Variants in FBXL19 observed in about 807,000 individuals in gnomAD.
The protein encoded by FBXL19 is F-box/LRR-repeat protein 19.
In FBXL19, 16 loss-of-function variants were observed where a neutral mutation model predicts 71.2. The ratio of observed to expected loss-of-function variants is 0.22; its 90% confidence interval spans 0.15 to 0.34. FBXL19 has a LOEUF of 0.34. FBXL19 is among the 10% of genes least tolerant of loss of function. The probability of loss-of-function intolerance (pLI) is 1.00; values close to 1 mark genes in which losing one functional copy is unlikely to be tolerated. For missense variants in FBXL19, 658 were observed against 968.2 expected, an observed-to-expected ratio of 0.68 and a Z score of 4.25; for synonymous variants, 447 against 409.4, an observed-to-expected ratio of 1.09 and a Z score of -1.11.
chr16:30,933,226 C>T (rs2055694858), intron 7 of FBXL19, among the ~76,000 whole-genome samples: 5 of 152,204 alleles, frequency 3.3e-5, no homozygotes, highest in Admixed American at 3.3e-4. Flanking sequence ...TGGTCTCGAA[C>T]TCCTGACCTC....
At position 30,928,615 on chromosome 16, in the gene FBXL19, C is replaced by T. The variant is rs760293502; in HGVS notation, c.776C>T (p.Pro259Leu). ...TCATCCTGCCACCCTGGGCTCCCTC[C>T]CGAGAACTGGGAGGTGTGCCGGGGA... ...AFSSCHPGLP[P>L]ENWEKPKPPL... Residue 259 changes from proline to leucine, a missense_variant, in exon 6 of 11, where the codon CCC becomes CTC. This residue lies in a region of FBXL19 where 447 missense variants were observed against 515.4 expected (regional missense o/e 0.87). Coordinates refer to ENST00000338343, the MANE Select transcript of FBXL19 (RefSeq NM_001382779.1). The T allele has an allele frequency of 1.3e-6, 2 of 1,587,682 alleles. No homozygotes were observed. Among genetic ancestry groups the T allele is most frequent in the Admixed American group, 1.8e-5 (1 of 56,060 alleles).
rs374646348 is a variant in FBXL19, at chr16:30,947,546, G to A, written c.*316G>A. The A allele has an allele frequency of 2.7e-5, 10 of 373,516 alleles. No individual in the cohort carries two copies. Among genetic ancestry groups the A allele is most frequent in the East Asian group, 1.2e-4 (2 of 16,126 alleles). 23.1% of individuals were successfully genotyped at this position (373,516 alleles called of 1,614,324 possible). On this transcript the variant is annotated 3_prime_UTR_variant, in exon 11 of 11. Coordinates refer to ENST00000338343, the MANE Select transcript of FBXL19 (RefSeq NM_001382779.1). ...GAGGGGGGTTATGGTGCAAGTGTTG[G>A]GGGGGAGAATGGGGAAAGGACACAC...
At chr16:30,932,948 C>G (rs983750837) in intron 7 of FBXL19, among the ~76,000 whole-genome samples, 1 of 147,134 alleles carries the variant, frequency 6.8e-6, no homozygotes, top group African/African-American at 2.5e-5. Flanking sequence ...TCAAGTGATT[C>G]TCCTGTCTCA....
chr16:30,938,637 G>A (rs1384949425), intron 7 of FBXL19, among the ~76,000 whole-genome samples: 1 of 152,068 alleles, frequency 6.6e-6, no homozygotes. Context: ...TCTCCATCGG[G>A]TGCTTTTTTT....
chr16:30,943,943 G>A (rs1321792331), intron 9 of FBXL19, among the ~76,000 whole-genome samples: 5 of 152,328 alleles, frequency 3.3e-5, no homozygotes, highest in African/African-American at 1.2e-4. Context: ...ATGAGGCACT[G>A]GAGGCCCAGA....
At chr16:30,936,969 CT>C (rs1175768554) in intron 7 of FBXL19, among the ~76,000 whole-genome samples, 1 of 152,014 alleles carries the variant, frequency 6.6e-6, no homozygotes, top group Non-Finnish European at 1.5e-5. Flanking sequence ...TCTTGAACTC[CT>C]GACCTCGTGA....
intron 7 of FBXL19, among the ~76,000 whole-genome samples, chr16:30,936,369 G>T (rs565836655): frequency 6.6e-6 from 1 of 151,042 alleles, no homozygotes; most frequent in Non-Finnish European, 1.5e-5. Flanking sequence ...GTGGAACCCC[G>T]CCTCTACTAC....
rs925518027 is a variant in FBXL19 at position 30,930,801 on chromosome 16, G to C, written c.1301+217G>C. Among the ~76,000 whole-genome samples, 1 of 152,162 alleles carries C rather than the reference G, an allele frequency of 6.6e-6. No homozygotes were observed. Among genetic ancestry groups the C allele is most frequent in the African/African-American group, 2.4e-5 (1 of 41,426 alleles). ...CCCCCTAGACAACTTTGAGGTAGAG[G>C]TTATTTTCCCCTTTTTCAGATGAAG... On this transcript the variant is annotated intron_variant, in intron 7 of 10. Coordinates refer to ENST00000338343, the MANE Select transcript of FBXL19 (RefSeq NM_001382779.1). The surrounding 1 kb of genome is among the most constrained non-coding windows in gnomAD (Gnocchi z 8.5).
intron 2 of FBXL19, among the ~76,000 whole-genome samples, chr16:30,927,037 T>C (rs189824113): frequency 3.9e-5 from 6 of 152,310 alleles, no homozygotes; most frequent in African/African-American, 1.2e-4. Flanking sequence ...AACAGCTACA[T>C]ATCAGTGTCT....
Position 30,924,384 on chromosome 16 carries a change from C to G in FBXL19, c.-100C>G, listed in dbSNP as rs1360966726. 1 of 189,828 alleles carries G rather than the reference C, an allele frequency of 5.3e-6. No homozygotes were observed. Among genetic ancestry groups the G allele is most frequent in the Non-Finnish European group, 1.1e-5 (1 of 92,604 alleles). 11.8% of individuals were successfully genotyped at this position (189,828 alleles called of 1,614,324 possible). A position where few individuals can be genotyped will look rare whatever the true frequency, so the allele number is the denominator to read the frequency against. On this transcript the variant is annotated 5_prime_UTR_variant, in exon 1 of 11. Transcript: ENST00000338343. ...GCGTTCCGCGCCCCGCGCCGCCCGG[C>G]CCCCCCGCCGCCGATGGCCGCCGAC...
chr16:30,923,019 A>C (rs1197283716), upstream of FBXL19: 2 of 456,790 alleles, frequency 4.4e-6, no homozygotes, highest in South Asian at 3.1e-5. Context: ...ACCTCGTAAG[A>C]TCGACTACTA....
rs2055559812 is a variant in FBXL19 at position 30,924,065 on chromosome 16, A to AG, written c.-415dup. 5.8e-5 allele frequency: 2 copies of AG among 34,292 alleles called. No homozygotes were observed. The highest frequency in any genetic ancestry group is 5.3e-4 in the Admixed American group (2 of 3,768). The allele number at this position is 34,292 out of a possible 1,614,324, so 2.1% of individuals were successfully genotyped here. A position where few individuals can be genotyped will look rare whatever the true frequency, so the allele number is the denominator to read the frequency against. On this transcript the variant is annotated 5_prime_UTR_variant, in exon 1 of 11. Transcript: ENST00000338343. ...CCGGGAAGGGGCCAGTTAAAGGGCCAGGGGCGCTGGGGAGAGGCGGGGCGG... is the reference window on the plus strand; with the variant it reads ...CCGGGAAGGGGCCAGTTAAAGGGCCAGGGGGCGCTGGGGAGAGGCGGGGCGG...
intron 7 of FBXL19, among the ~76,000 whole-genome samples, chr16:30,933,708 C>T (rs2143342862): frequency 6.6e-6 from 1 of 151,902 alleles, no homozygotes; most frequent in African/African-American, 2.4e-5. Context: ...ACCTTGGCCT[C>T]CTAAAGTGTT....
Position 30,924,159 on chromosome 16 carries a change from G to C in FBXL19, c.-325G>C, listed in dbSNP as rs2055561240. The C allele has an allele frequency of 6.6e-6, 1 of 152,248 alleles. No homozygotes were observed. The highest frequency in any genetic ancestry group is 2.4e-5 in the African/African-American group (1 of 41,396). The allele number at this position is 152,248 out of a possible 1,614,324, so 9.4% of individuals were successfully genotyped here. On this transcript the variant is annotated 5_prime_UTR_variant, in exon 1 of 11. Transcript: ENST00000338343. ...GCCCCGGGCAGAAGCTGAGCACCCT[G>C]CGCCCAAGGAGCCCCCGTTGGCCTG...
At chr16:30,931,416 G>A (rs768280488) in intron 7 of FBXL19, among the ~76,000 whole-genome samples, 7 of 152,142 alleles carry the variant, frequency 4.6e-5, no homozygotes, top group Admixed American at 1.3e-4. Context: ...GACAAAGGGC[G>A]GTATAAGTGC....
At chr16:30,938,811 TA>T (rs1281031652) in intron 7 of FBXL19, among the ~76,000 whole-genome samples, 1 of 151,756 alleles carries the variant, frequency 6.6e-6, no homozygotes, top group African/African-American at 2.4e-5. Flanking sequence ...TAATCTTTTG[TA>T]TTTTTAGCAG....
chr16:30,925,609 C>A lies in FBXL19; in HGVS notation c.-24-122C>A. The A allele has an allele frequency of 4.5e-6, 5 of 1,100,488 alleles. No homozygotes were observed. In the South Asian group the frequency reaches 9.9e-5, roughly 22 times the overall value. 68.2% of individuals were successfully genotyped at this position (1,100,488 alleles called of 1,614,324 possible). A position where few individuals can be genotyped will look rare whatever the true frequency, so the allele number is the denominator to read the frequency against. ...CCCCCAGATACACAGAAGGGGGTGA[C>A]CTCCTTGTCCCCCTGAGGAAGAGGG... On this transcript the variant is annotated intron_variant, in intron 1 of 10. Transcript: ENST00000338343. The surrounding 1 kb of genome is among the most constrained non-coding windows in gnomAD (Gnocchi z 5.0).
In FBXL19 at chr16:30,930,226, G is replaced by T; in HGVS notation, c.943G>T (p.Asp315Tyr). The T allele has an allele frequency of 6.2e-7, 1 of 1,613,054 alleles. No individual in the cohort carries two copies. The highest frequency in any genetic ancestry group is 8.5e-7 in the Non-Finnish European group (1 of 1,179,878). Residue 315 changes from aspartate to tyrosine, a missense_variant, in exon 7 of 11, where the codon GAC becomes TAC. Coordinates refer to ENST00000338343, the MANE Select transcript of FBXL19 (RefSeq NM_001382779.1). The surrounding 1 kb of genome is among the most constrained non-coding windows in gnomAD (Gnocchi z 8.5). ...SSSSDSDSDS[D>Y]SSGTSLSEDE... is the part of the protein sequence containing the mutation. ...CTCCTCGGACTCAGACTCCGACTCC[G>T]ACTCTTCGGGCACATCGCTGAGTGA...
chr16:30,946,536 G>A lies in FBXL19; in HGVS notation c.1628-194G>A, dbSNP rs2055860381. On this transcript the variant is annotated intron_variant, in intron 9 of 10. Coordinates refer to ENST00000338343, the MANE Select transcript of FBXL19 (RefSeq NM_001382779.1). This position sits in a 1 kb window ranked among gnomAD's most constrained non-coding sequence, Gnocchi z 6.7. ...TGTAGTCTCAAATACAATAATCATG[G>A]AAGGCCTCCGAGGAGGTGATGTGAG... Among the ~76,000 whole-genome samples the A allele has an allele frequency of 6.6e-6, 1 of 152,204 alleles. No homozygotes were observed. Among genetic ancestry groups the A allele is most frequent in the Admixed American group, 6.5e-5 (1 of 15,274 alleles).
Sources: allele counts gnomAD v4.1 joint callset (sites outside exome capture counted in the v4.1 genomes callset), GRCh38; gene constraint gnomAD v4.1.1; regional missense constraint gnomAD v4.1.1; non-coding constraint Gnocchi (gnomAD v3.1); transcripts MANE v1.5; gene names NCBI Gene and HGNC (gene_info 2026-07-23, HGNC 2026-07-21).